CHRNA2: variants seen among roughly 807,000 people sequenced by gnomAD.
The protein encoded by CHRNA2 is neuronal acetylcholine receptor subunit alpha-2.
Under a neutral mutation model 45.5 loss-of-function variants are expected in CHRNA2, and 40 were observed. That is an observed-to-expected ratio of 0.88 (90% CI 0.68 to 1.15). CHRNA2 has a LOEUF of 1.15. CHRNA2 is among the 50% of genes most tolerant of loss of function. The probability of loss-of-function intolerance (pLI) is 0.00; values close to 1 mark genes in which losing one functional copy is unlikely to be tolerated. For missense variants in CHRNA2, 655 were observed against 701.7 expected (o/e 0.93, Z 0.75); for synonymous variants, 301 against 296.7 (o/e 1.01, Z -0.15).
At chr8:27,472,980 T>C (rs1812936926) in intron 1 of CHRNA2, among the ~76,000 whole-genome samples, 1 of 152,150 alleles carries the variant, frequency 6.6e-6, no homozygotes, top group Non-Finnish European at 1.5e-5. Flanking sequence ...GGGGTAAATA[T>C]AATGTTTCAT....
At position 27,463,535 on chromosome 8, in the gene CHRNA2, A is replaced by G; in HGVS notation, c.908T>C (p.Val303Ala). 6.2e-7 allele frequency: 1 copy of G among 1,614,214 alleles called. No individual in the cohort carries two copies. The highest frequency in any genetic ancestry group is 8.5e-7 in the Non-Finnish European group (1 of 1,180,046). ...CAGGAAGACGGTGAGTGACAGCAGC[A>G]CCGAAATGCACAGCGTGATCTTCTC... is the stretch of plus-strand genomic sequence containing the variant. Reference protein sequence around the residue: ...CGEKITLCISVLLSLTVFLLL... With the variant: ...CGEKITLCISALLSLTVFLLL... Residue 303 changes from valine (V) to alanine (A), a missense_variant, in exon 6 of 7, where the codon GTG (valine) becomes GCG (alanine). By Grantham distance (64) the Val-to-Ala change is moderately conservative. Transcript: ENST00000407991. This position sits in a 1 kb window ranked among gnomAD's most constrained non-coding sequence, Gnocchi z 6.1.
intron 1 of CHRNA2, chr8:27,475,464 A>T (rs1227617034): frequency 6.6e-6 from 1 of 152,416 alleles, no homozygotes; most frequent in African/African-American, 2.4e-5. Context: ...CAAAGACATT[A>T]TGATTCCTTT....
Position 27,473,530 on chromosome 8 carries a change from C to CG in CHRNA2, c.-136-2337_-136-2336insC, listed in dbSNP as rs953632615. Among the ~76,000 whole-genome samples the CG allele has an allele frequency of 4.2e-4, 51 of 120,762 alleles. 2 individuals carry two copies. Among genetic ancestry groups the CG allele is most frequent in the African/African-American group, 1.6e-3 (49 of 30,784 alleles). 79.2% of individuals were successfully genotyped at this position (120,762 alleles called of 152,430 possible). Reference sequence around the variant, plus strand: ...GCCTGGGCAACATAGTGAGACCCCCCCCGCCGTCTCTACAAAAAATTCAAA... The same window carrying CG: ...GCCTGGGCAACATAGTGAGACCCCCCGCCGCCGTCTCTACAAAAAATTCAAA... On this transcript the variant is annotated intron_variant, in intron 1 of 6. Coordinates refer to ENST00000407991, the MANE Select transcript of CHRNA2 (RefSeq NM_000742.4).
intron 1 of CHRNA2, chr8:27,477,134 G>C (rs554589721): frequency 2.0e-5 from 3 of 152,186 alleles, no homozygotes; most frequent in Non-Finnish European, 1.5e-5. Flanking sequence ...AACTAGGGGG[G>C]CGATTTCGTA....
intron 3 of CHRNA2, 82 bp from the exon 4 acceptor site, chr8:27,469,461 C>T: frequency 1.4e-6 from 2 of 1,427,472 alleles, no homozygotes; most frequent in South Asian, 2.4e-5. Context: ...GGGCTGTTTT[C>T]AGACCCTCTG....
chr8:27,467,070 A>C (rs71651698), intron 5 of CHRNA2, among the ~76,000 whole-genome samples, 159 bp downstream of exon 5: 75 of 152,216 alleles, frequency 4.9e-4, no homozygotes, highest in Non-Finnish European at 9.6e-4. Flanking sequence ...AAAGGAAAGA[A>C]ATGAAGGAAT....
At position 27,469,612 on chromosome 8, in the gene CHRNA2, G is replaced by A. The variant is rs147191290; in HGVS notation, c.294+149C>T. 615 of 1,023,350 alleles carry A rather than the reference G, an allele frequency of 6.0e-4. 2 individuals carry two copies. The African/African-American group carries it at 7.5e-3, about 13-fold the overall frequency. 63.4% of individuals were successfully genotyped at this position (1,023,350 alleles called of 1,614,324 possible). A position where few individuals can be genotyped will look rare whatever the true frequency, so the allele number is the denominator to read the frequency against. On this transcript the variant is annotated intron_variant, in intron 3 of 6. Coordinates refer to ENST00000407991, the MANE Select transcript of CHRNA2 (RefSeq NM_000742.4). ...CTCCAGAGCTGGGAGAGGGGAGAGC[G>A]TAGCCGCCCTGGGAAGAGCCATCCC...
intron 4 of CHRNA2, among the ~76,000 whole-genome samples, chr8:27,468,625 G>T (rs550446896): frequency 2.2e-4 from 33 of 152,338 alleles, no homozygotes; most frequent in African/African-American, 7.7e-4. Flanking sequence ...TGAAGGGGGC[G>T]AAGGGCCCAT....
Position 27,463,522 on chromosome 8 carries a change from GA to G in CHRNA2, c.920del (p.Leu307ProfsTer30). ...CAGTGATGAGCAGCAGGAAGACGGT[GA>G]GTGACAGCAGCACCGAAATGCACAG... ...ITLCISVLLSLTVFLLLITEI... is the reference protein window; with the variant it reads ...ITLCISVLLSXTVFLLLITEI... On this transcript the variant is annotated frameshift_variant, in exon 6 of 7. Transcript: ENST00000407991. LOFTEE classifies it high-confidence loss of function. The surrounding 1 kb of genome is among the most constrained non-coding windows in gnomAD (Gnocchi z 6.1). 6.2e-7 allele frequency: 1 copy of G among 1,614,216 alleles called. No individual in the cohort carries two copies. The highest frequency in any genetic ancestry group is 1.3e-5 in the African/African-American group (1 of 75,040).
At chr8:27,467,780 G>C (rs1379330567) in intron 4 of CHRNA2, among the ~76,000 whole-genome samples, 1 of 152,196 alleles carries the variant, frequency 6.6e-6, no homozygotes, top group African/African-American at 2.4e-5. Flanking sequence ...CCATTTAGCA[G>C]ATGAGCAAAC....
rs1812476523 is a variant in CHRNA2, at chr8:27,461,313, C to A, written c.*316G>T. ...TGGCCCCACTGTCCCCCTGGTTGAC[C>A]CTTCTGTCACTTAGGGTCTGCACTG... On this transcript the variant is annotated 3_prime_UTR_variant, in exon 7 of 7. Transcript: ENST00000407991. 3 of 373,596 alleles carry A rather than the reference C, an allele frequency of 8.0e-6. No homozygotes were observed. The highest frequency in any genetic ancestry group is 1.5e-5 in the Non-Finnish European group (3 of 198,442). The allele number at this position is 373,596 out of a possible 1,614,324, so 23.1% of individuals were successfully genotyped here.
intron 3 of CHRNA2, 99 bp downstream of exon 3, chr8:27,469,662 T>C: frequency 6.9e-7 from 1 of 1,443,268 alleles, no homozygotes; most frequent in Non-Finnish European, 9.7e-7. Flanking sequence ...GTCACTGCTG[T>C]GCGTGAGGGC....
rs577770461 is a variant in CHRNA2, at chr8:27,461,525, A to T, written c.*104T>A. 1 of 1,513,360 alleles carries T rather than the reference A, an allele frequency of 6.6e-7. No individual in the cohort carries two copies. Among genetic ancestry groups the T allele is most frequent in the East Asian group, 2.3e-5 (1 of 43,892 alleles). 93.7% of individuals were successfully genotyped at this position (1,513,360 alleles called of 1,614,324 possible). ...GGGTCAGTGTCCAGACTCCGCGGAG[A>T]GGCACCTGCTCATCCCAAAGGGGAC... is the stretch of plus-strand genomic sequence containing the variant. On this transcript the variant is annotated 3_prime_UTR_variant, in exon 7 of 7. Transcript: ENST00000407991.
rs201890355 is a variant in CHRNA2 at position 27,469,841 on chromosome 8, G to A, written c.214C>T (p.Arg72Cys). The A allele has an allele frequency of 1.4e-5, 22 of 1,614,062 alleles. 1 individual carries two copies. Among genetic ancestry groups the A allele is most frequent in the South Asian group, 5.5e-5 (5 of 91,080 alleles). ...LFKHLFRGYN[R>C]WARPVPNTSD... The stretch of plus-strand genomic sequence containing the variant: ...GTGTTGGGCACCGGGCGCGCCCAGC[G>A]GTTGTAGCCCCGGAAGAGGTGTTTG... The change falls in exon 3 of 7, where the codon CGC becomes TGC. Residue 72 changes from arginine (R) to cysteine (C), a missense_variant. This residue lies in a region of CHRNA2 where 323 missense variants were observed against 354.4 expected (regional missense o/e 0.91). Coordinates refer to ENST00000407991, the MANE Select transcript of CHRNA2 (RefSeq NM_000742.4).
At chr8:27,462,633 C>T (rs1251714672) in intron 6 of CHRNA2, among the ~76,000 whole-genome samples, 1 of 152,218 alleles carries the variant, frequency 6.6e-6, no homozygotes, top group East Asian at 1.9e-4. Flanking sequence ...GAAATGCTCC[C>T]CCTGCCTGCC....
intron 1 of CHRNA2, among the ~76,000 whole-genome samples, chr8:27,471,652 G>A (rs1812887435): frequency 6.6e-6 from 1 of 152,218 alleles, no homozygotes; most frequent in African/African-American, 2.4e-5. Flanking sequence ...ACCATAAAAA[G>A]GACTGAGGTG....
chr8:27,467,201 TCC>T (rs989910987), intron 5 of CHRNA2, 26 bp downstream of exon 5: 2 of 1,581,194 alleles, frequency 1.3e-6, no homozygotes, highest in African/African-American at 1.3e-5. Context: ...CCTCCCCTCA[TCC>T]CCCCAGGACC....
At chr8:27,477,250 A>C (rs1813088850) in intron 1 of CHRNA2, 1 of 152,178 alleles carries the variant, frequency 6.6e-6, no homozygotes, top group African/African-American at 2.4e-5. Context: ...AAGTGAGGAG[A>C]GGGGACAGGC....
chr8:27,469,752 C>G lies in CHRNA2; in HGVS notation c.294+9G>C, dbSNP rs1388693538. 6.2e-7 allele frequency: 1 copy of G among 1,614,142 alleles called. No individual in the cohort carries two copies. The highest frequency in any genetic ancestry group is 1.1e-5 in the South Asian group (1 of 91,088). Reference sequence around the variant, plus strand: ...CTTCCTCGGGCCAGCGGTGGGAAGACAGGCGCACCACATCGATGAGCTGAG... The same window carrying G: ...CTTCCTCGGGCCAGCGGTGGGAAGAGAGGCGCACCACATCGATGAGCTGAG... On this transcript the variant is annotated intron_variant, in intron 3 of 6. Transcript: ENST00000407991.
Sources: allele counts gnomAD v4.1 joint callset (sites outside exome capture counted in the v4.1 genomes callset), GRCh38; gene constraint gnomAD v4.1.1; regional missense constraint gnomAD v4.1.1; non-coding constraint Gnocchi (gnomAD v3.1); transcripts MANE v1.5; gene names NCBI Gene and HGNC (gene_info 2026-07-23, HGNC 2026-07-21).